KIAA1328: variants seen among roughly 807,000 people sequenced by gnomAD.
KIAA1328 encodes protein hinderin.
A neutral mutation model predicts 68.1 loss-of-function variants in KIAA1328; 52 were observed. The ratio of observed to expected loss-of-function variants is 0.76; its 90% CI spans 0.61 to 0.96. The LOEUF (loss-of-function observed/expected upper bound fraction) is 0.96. KIAA1328 is among the 40% of genes least tolerant of loss of function. KIAA1328 has a pLI of 0.00. For missense variants in KIAA1328, 641 were observed against 677.6 expected, an observed-to-expected ratio of 0.95 and a Z score of 0.60; for synonymous variants, 232 against 239.4, an observed-to-expected ratio of 0.97 and a Z score of 0.28.
At chr18:36,845,689 A>G (rs533652050) in intron 4 of KIAA1328, among the ~76,000 whole-genome samples, 7 of 151,990 alleles carry the variant, frequency 4.6e-5, no homozygotes, top group African/African-American at 1.7e-4. Flanking sequence ...ATGACTTGAT[A>G]TAAAATTAAT....
chr18:36,889,109 A>G (rs2048596463), intron 5 of KIAA1328, among the ~76,000 whole-genome samples: 1 of 152,170 alleles, frequency 6.6e-6, no homozygotes, highest in Non-Finnish European at 1.5e-5. Context: ...CTTGTAGAAA[A>G]TTGTGAATTT....
At chr18:37,060,838 C>G (rs1043964983) in intron 6 of KIAA1328, among the ~76,000 whole-genome samples, 22 of 152,206 alleles carry the variant, frequency 1.4e-4, no homozygotes, top group Non-Finnish European at 2.2e-4. Context: ...ATGCAGCGGG[C>G]TGAGCGCTGT....
chr18:36,942,456 A>AG (rs1365412146), intron 5 of KIAA1328, among the ~76,000 whole-genome samples: 1 of 152,228 alleles, frequency 6.6e-6, no homozygotes, highest in Non-Finnish European at 1.5e-5. Flanking sequence ...CACAGGCAGT[A>AG]GGGGGAGTAG....
At chr18:36,866,394 C>T (rs2047754338) in intron 4 of KIAA1328, among the ~76,000 whole-genome samples, 1 of 151,956 alleles carries the variant, frequency 6.6e-6, no homozygotes, top group Admixed American at 6.6e-5. Flanking sequence ...CTCTTTATCC[C>T]CCTCAGATTC....
rs747371189 is a variant in KIAA1328 at position 37,160,289 on chromosome 18, G to A, written c.1322G>A (p.Arg441Lys). ...HQDPPNSGEN[R>K]KERKTVGFHS... ...GACCCCCCAAACAGTGGAGAGAATAGGAAGGAGAGGAAGACAGTTGGGTTT... is the reference window on the plus strand; with the variant it reads ...GACCCCCCAAACAGTGGAGAGAATAAGAAGGAGAGGAAGACAGTTGGGTTT... The change falls in exon 8 of 10, where the codon AGG becomes AAG. Residue 441 changes from arginine (R) to lysine (K), a missense_variant. Coordinates refer to ENST00000280020, the MANE Select transcript of KIAA1328 (RefSeq NM_020776.3). 23 of 1,613,572 alleles carry A rather than the reference G, an allele frequency of 1.4e-5. No individual in the cohort carries two copies. In the African/African-American group the frequency reaches 2.1e-4, roughly 15 times the overall value.
chr18:37,136,239 A>G (rs1452746279), intron 7 of KIAA1328, among the ~76,000 whole-genome samples: 1 of 152,158 alleles, frequency 6.6e-6, no homozygotes, highest in Non-Finnish European at 1.5e-5. Context: ...AGGAGATTTC[A>G]GCCACAATCT....
intron 7 of KIAA1328, among the ~76,000 whole-genome samples, chr18:37,096,422 G>T (rs1454044771): frequency 6.6e-6 from 1 of 152,062 alleles, no homozygotes; most frequent in African/African-American, 2.4e-5. Context: ...ATTTTTTATG[G>T]CTGCATAGTA....
chr18:37,011,726 A>G (rs1271740181), intron 6 of KIAA1328, among the ~76,000 whole-genome samples: 1 of 152,244 alleles, frequency 6.6e-6, no homozygotes, highest in East Asian at 1.9e-4. Context: ...AAAAGGTTAT[A>G]TACTGTATGA....
At chr18:36,884,373 G>A (rs1439399560) in intron 4 of KIAA1328, among the ~76,000 whole-genome samples, 1 of 152,114 alleles carries the variant, frequency 6.6e-6, no homozygotes, top group Non-Finnish European at 1.5e-5. Context: ...ATAGGCCAGG[G>A]AAAATGACTT....
At chr18:37,109,659 T>C (rs912113062) in intron 7 of KIAA1328, among the ~76,000 whole-genome samples, 3 of 152,218 alleles carry the variant, frequency 2.0e-5, no homozygotes, top group Admixed American at 6.5e-5. Flanking sequence ...CTACCACTTA[T>C]TAAATACAAG....
intron 5 of KIAA1328, among the ~76,000 whole-genome samples, chr18:36,920,329 T>C (rs1396088660): frequency 1.3e-5 from 2 of 152,218 alleles, no homozygotes; most frequent in African/African-American, 2.4e-5. Flanking sequence ...TTGCTTATTA[T>C]TGTCAACATT....
At chr18:37,226,715 C>CTTTTTT (rs763991741), downstream of KIAA1328, among the ~76,000 whole-genome samples, 91 of 128,660 alleles carry the variant, frequency 7.1e-4, no homozygotes, top group Non-Finnish European at 1.1e-3. Context: ...GGGTTGTTCC[C>CTTTTTT]TTTTTTTTTT....
intron 6 of KIAA1328, among the ~76,000 whole-genome samples, chr18:36,967,494 G>A (rs2051990815): frequency 6.6e-6 from 1 of 152,198 alleles, no homozygotes; most frequent in East Asian, 1.9e-4. Context: ...ATAACTGTGA[G>A]CTAATGAATT....
At chr18:37,016,572 C>T (rs1437167707) in intron 6 of KIAA1328, among the ~76,000 whole-genome samples, 1 of 152,106 alleles carries the variant, frequency 6.6e-6, no homozygotes, top group African/African-American at 2.4e-5. Flanking sequence ...TAGAAATCAA[C>T]TGTGAATCCA....
chr18:36,842,730 A>T (rs545946339), intron 3 of KIAA1328, among the ~76,000 whole-genome samples: 2 of 151,424 alleles, frequency 1.3e-5, no homozygotes, highest in African/African-American at 4.8e-5. Flanking sequence ...TACTCAGCAC[A>T]TCACTAATGA....
At chr18:37,085,749 C>A (rs544775234) in intron 7 of KIAA1328, among the ~76,000 whole-genome samples, 1 of 152,106 alleles carries the variant, frequency 6.6e-6, no homozygotes, top group East Asian at 1.9e-4. Flanking sequence ...CATCTATTTG[C>A]TCCCTCCTTT....
intron 5 of KIAA1328, among the ~76,000 whole-genome samples, chr18:36,907,947 G>A (rs975465413): frequency 6.6e-6 from 1 of 152,034 alleles, no homozygotes; most frequent in African/African-American, 2.4e-5. Context: ...GGCCTTGTAT[G>A]GATTTAATCC....
At chr18:37,199,520 G>C (rs190871149) in intron 9 of KIAA1328, among the ~76,000 whole-genome samples, 1 of 152,016 alleles carries the variant, frequency 6.6e-6, no homozygotes, top group East Asian at 1.9e-4. Context: ...GGTTGATTCC[G>C]TGTCTTTGCT....
chr18:37,131,593 T>C (rs2058522526), intron 7 of KIAA1328, among the ~76,000 whole-genome samples: 2 of 152,172 alleles, frequency 1.3e-5, no homozygotes, highest in East Asian at 1.9e-4. Flanking sequence ...TTTGGTGAAA[T>C]ACACTTGCTG....
Sources: allele counts gnomAD v4.1 joint callset (sites outside exome capture counted in the v4.1 genomes callset), GRCh38; gene constraint gnomAD v4.1.1; transcripts MANE v1.5; gene names NCBI Gene and HGNC (gene_info 2026-07-23, HGNC 2026-07-21).